Variants in CACNA1C observed in about 807,000 individuals in gnomAD.
CACNA1C encodes voltage-dependent L-type calcium channel subunit alpha-1C.
In CACNA1C, 30 loss-of-function variants were observed where a neutral mutation model predicts 229.0. That is an observed-to-expected ratio of 0.13 (90% CI 0.10 to 0.18). The LOEUF (loss-of-function observed/expected upper bound fraction) is 0.18, where lower values mean the gene tolerates loss of function less well. Among genes scored for constraint, CACNA1C ranks in the 10% least tolerant of loss-of-function variants. The pLI is 1.00. For missense variants in CACNA1C, 1,658 were observed against 2,845.0 expected (o/e 0.58, Z 9.49); for synonymous variants, 1,114 against 1,132.5 (o/e 0.98, Z 0.33).
Position 2,614,549 on chromosome 12 carries a change from C to T in CACNA1C, c.3828+2536C>T, listed in dbSNP as rs970889910. 2.6e-5 allele frequency: 4 copies of T among 152,338 alleles called. 1 individual carries two copies. The highest frequency in any genetic ancestry group is 6.5e-5 in the Admixed American group (1 of 15,298). The allele number at this position is 152,338 out of a possible 1,614,324, so 9.4% of individuals were successfully genotyped here. ...AAAACTTGAAGCTCTGGAAGAATAT[C>T]CAGCTGGATCTGGCCCAAGAACCAG... On this transcript the variant is annotated intron_variant, in intron 29 of 46. Coordinates refer to ENST00000399655, the MANE Select transcript of CACNA1C (RefSeq NM_000719.7).
intron 1 of CACNA1C, among the ~76,000 whole-genome samples, chr12:2,089,756 T>C (rs549806338): frequency 5.2e-4 from 79 of 152,324 alleles, no homozygotes; most frequent in Middle Eastern, 3.4e-3. Flanking sequence ...TGTAACTGGC[T>C]GGGCGCGGTG....
At chr12:2,012,242 T>A (rs1048549165) in intron 1 of CACNA1C, among the ~76,000 whole-genome samples, 1 of 152,190 alleles carries the variant, frequency 6.6e-6, no homozygotes, top group Non-Finnish European at 1.5e-5. Flanking sequence ...TATCTACTTC[T>A]ATAATGCTGA....
intron 30 of CACNA1C, among the ~76,000 whole-genome samples, chr12:2,640,906 G>A (rs1224806731): frequency 1.3e-5 from 2 of 152,344 alleles, no homozygotes; most frequent in Middle Eastern, 3.4e-3. Context: ...CCTCAGGGGT[G>A]AGTCAGCTCA....
At position 2,486,604 on chromosome 12, in the gene CACNA1C, C is replaced by G. The variant is rs1345354989; in HGVS notation, c.916+342C>G. Among the ~76,000 whole-genome samples the G allele has an allele frequency of 6.6e-6, 1 of 152,194 alleles. No individual in the cohort carries two copies. Among genetic ancestry groups the G allele is most frequent in the Non-Finnish European group, 1.5e-5 (1 of 68,028 alleles). On this transcript the variant is annotated intron_variant, in intron 6 of 46. Coordinates refer to ENST00000399655, the MANE Select transcript of CACNA1C (RefSeq NM_000719.7). This position sits in a 1 kb window ranked among gnomAD's most constrained non-coding sequence, Gnocchi z 4.9. The stretch of plus-strand genomic sequence containing the variant: ...TGAGTATTTTAAGAATCAGAGCTGA[C>G]CTGGGGTCGTCAGTCTCTGCTCCTT...
chr12:2,180,049 T>C (rs2096787260), intron 3 of CACNA1C, among the ~76,000 whole-genome samples: 1 of 152,244 alleles, frequency 6.6e-6, no homozygotes, highest in African/African-American at 2.4e-5. Flanking sequence ...CTGAGCAGCC[T>C]CACTCAGGTC....
intron 3 of CACNA1C, among the ~76,000 whole-genome samples, chr12:2,257,747 G>T (rs543614620): frequency 3.9e-5 from 6 of 152,228 alleles, no homozygotes; most frequent in Non-Finnish European, 7.3e-5. Flanking sequence ...CAAGCAGTGA[G>T]GTTCCAAACT....
At chr12:2,572,348 CT>C (rs2055280631) in intron 13 of CACNA1C, among the ~76,000 whole-genome samples, 1 of 135,734 alleles carries the variant, frequency 7.4e-6, no homozygotes, top group Admixed American at 7.2e-5. Context: ...CTTCCTCCTC[CT>C]CCTCCTCTCC....
chr12:2,126,259 TGA>T (rs2090017019), intron 3 of CACNA1C, among the ~76,000 whole-genome samples: 1 of 152,246 alleles, frequency 6.6e-6, no homozygotes, highest in Non-Finnish European at 1.5e-5. Flanking sequence ...TAATGAAAGC[TGA>T]ACTGGGCCAT....
intron 1 of CACNA1C, among the ~76,000 whole-genome samples, chr12:2,018,992 G>C (rs181984255): frequency 7.9e-5 from 12 of 152,280 alleles, no homozygotes. Flanking sequence ...GGAGCAAAAT[G>C]TGTCACTCTC....
intron 3 of CACNA1C, among the ~76,000 whole-genome samples, chr12:2,177,587 CCCTTCCTTCCTTCCTTCCTTCCTT>C (rs1555274712): frequency 2.5e-5 from 2 of 78,462 alleles, no homozygotes; most frequent in East Asian, 8.9e-4. Context: ...CTCCCTCCCT[CCCTTCCTTCCTTCCTTCCTTCCTT>C]CCTTCCTTCC....
intron 9 of CACNA1C, among the ~76,000 whole-genome samples, chr12:2,514,499 C>G (rs2239105): frequency 0.24 from 36,028 of 151,996 alleles, 5,753 homozygotes; most frequent in African/African-American, 0.45. Context: ...ATGCCTGACA[C>G]CTTCTATTAC....
At chr12:2,140,163 T>C (rs958253767) in intron 3 of CACNA1C, among the ~76,000 whole-genome samples, 2 of 150,998 alleles carry the variant, frequency 1.3e-5, no homozygotes, top group African/African-American at 4.8e-5. Flanking sequence ...AGAGAACCTG[T>C]CCCATAACCA....
rs149831295 is a variant in CACNA1C, at chr12:2,243,720, A to G, written c.477+123290A>G. ...TGGAACAGGCCAGGTGCTCAAGTGCAATGTGTAGTCCAGTTATAAATTGCT... is the reference window on the plus strand; with the variant it reads ...TGGAACAGGCCAGGTGCTCAAGTGCGATGTGTAGTCCAGTTATAAATTGCT... On this transcript the variant is annotated intron_variant, in intron 3 of 46. Coordinates refer to ENST00000399655, the MANE Select transcript of CACNA1C (RefSeq NM_000719.7). Among the ~76,000 whole-genome samples, 483 of 152,294 alleles carry G rather than the reference A, an allele frequency of 3.2e-3. 4 individuals carry two copies. Among genetic ancestry groups the G allele is most frequent in the Non-Finnish European group, 5.8e-3 (396 of 68,026 alleles).
At position 2,348,475 on chromosome 12, in the gene CACNA1C, C is replaced by T. The variant is rs539597356; in HGVS notation, c.478-100501C>T. The stretch of plus-strand genomic sequence containing the variant: ...CCCGTTGGCGTGTATGGTGTCTTCT[C>T]GCTGAGCCACAGCACCTGGTTTAGG... On this transcript the variant is annotated intron_variant, in intron 3 of 46. Coordinates refer to ENST00000399655, the MANE Select transcript of CACNA1C (RefSeq NM_000719.7). The surrounding 1 kb of genome is among the most constrained non-coding windows in gnomAD (Gnocchi z 4.7). Among the ~76,000 whole-genome samples the T allele has an allele frequency of 1.6e-4, 24 of 152,328 alleles. No homozygotes were observed. The highest frequency in any genetic ancestry group is 3.3e-4 in the Admixed American group (5 of 15,302).
At chr12:1,996,160 C>T (rs1232251436) in intron 1 of CACNA1C, among the ~76,000 whole-genome samples, 2 of 152,202 alleles carry the variant, frequency 1.3e-5, no homozygotes, top group Non-Finnish European at 2.9e-5. Flanking sequence ...TCTCACTGTC[C>T]TGACTCCAAT....
At chr12:2,415,656 A>G (rs1263264685) in intron 3 of CACNA1C, among the ~76,000 whole-genome samples, 1 of 152,166 alleles carries the variant, frequency 6.6e-6, no homozygotes, top group East Asian at 1.9e-4. Context: ...GAGGTCGGAC[A>G]GTGGTGACCG....
chr12:2,286,504 G>T (rs1200735297), intron 3 of CACNA1C, among the ~76,000 whole-genome samples: 1 of 152,240 alleles, frequency 6.6e-6, no homozygotes, highest in East Asian at 1.9e-4. Context: ...AACAGGGCCT[G>T]ATGGCCCAGC....
chr12:2,639,109 C>T lies in CACNA1C; in HGVS notation c.3912+4729C>T, dbSNP rs11062293. Among the ~76,000 whole-genome samples, 1,938 of 152,324 alleles carry T rather than the reference C, an allele frequency of 0.013. 29 individuals carry two copies. The highest frequency in any genetic ancestry group is 0.037 in the African/African-American group (1,534 of 41,568). On this transcript the variant is annotated intron_variant, in intron 30 of 46. Coordinates refer to ENST00000399655, the MANE Select transcript of CACNA1C (RefSeq NM_000719.7). This position sits in a 1 kb window ranked among gnomAD's most constrained non-coding sequence, Gnocchi z 4.2. Reference sequence around the variant, plus strand: ...CAAGAGGACCGTCTTCAGGCCCCCTCGTGCGGTCATGCTGAATTCAGCCTC... The same window carrying T: ...CAAGAGGACCGTCTTCAGGCCCCCTTGTGCGGTCATGCTGAATTCAGCCTC...
intron 1 of CACNA1C, among the ~76,000 whole-genome samples, chr12:2,063,589 G>A (rs2058323560): frequency 6.6e-6 from 1 of 152,196 alleles, no homozygotes. Context: ...TGAAATTAGG[G>A]AGCTGGCTGT....
Sources: gnomAD v4.1 joint callset for allele counts (sites outside exome capture counted in the v4.1 genomes callset) on GRCh38, gnomAD v4.1.1 for gene constraint, Gnocchi (gnomAD v3.1) non-coding constraint, MANE v1.5 for transcripts, NCBI Gene and HGNC (gene_info 2026-07-23, HGNC 2026-07-21) for gene names.